Variants in OCA2 observed in about 807,000 individuals in gnomAD.
OCA2 encodes OCA2 melanosomal transmembrane protein.
OCA2 carries 77 observed loss-of-function variants against 100.2 expected under a neutral mutation model. The ratio of observed to expected loss-of-function variants is 0.77; its 90% CI spans 0.64 to 0.93. The LOEUF (loss-of-function observed/expected upper bound fraction) is 0.93. OCA2 is among the 40% of genes least tolerant of loss of function. The pLI, the probability that OCA2 is intolerant of heterozygous loss-of-function variation, is 0.00. For missense variants in OCA2, 1,062 were observed against 1,089.1 expected (o/e 0.98, Z 0.35); for synonymous variants, 432 against 439.2 (o/e 0.98, Z 0.21).
At chr15:28,044,587 C>G (rs1233286385) in intron 2 of OCA2, among the ~76,000 whole-genome samples, 1 of 152,104 alleles carries the variant, frequency 6.6e-6, no homozygotes, top group Non-Finnish European at 1.5e-5. Flanking sequence ...ACAGGATTTT[C>G]TGTCTATTTG....
At chr15:27,996,842 G>C (rs1198353667) in intron 9 of OCA2, among the ~76,000 whole-genome samples, 3 of 151,962 alleles carry the variant, frequency 2.0e-5, no homozygotes, top group Non-Finnish European at 4.4e-5. Flanking sequence ...GGCTTCACAG[G>C]TAAATTCTAC....
chr15:27,760,934 A>G (rs981017233), intron 23 of OCA2, among the ~76,000 whole-genome samples: 1 of 152,036 alleles, frequency 6.6e-6, no homozygotes, highest in African/African-American at 2.4e-5. Flanking sequence ...TGATCCCTGT[A>G]TTACCTCAAC....
intron 19 of OCA2, among the ~76,000 whole-genome samples, chr15:27,913,638 G>A (rs2038485529): frequency 6.6e-6 from 1 of 151,330 alleles, no homozygotes; most frequent in Non-Finnish European, 1.5e-5. Flanking sequence ...AGAAAGTGGG[G>A]CCAAAACTGC....
intron 23 of OCA2, among the ~76,000 whole-genome samples, chr15:27,809,803 T>C (rs1384185913): frequency 6.6e-6 from 1 of 152,116 alleles, no homozygotes; most frequent in Non-Finnish European, 1.5e-5. Flanking sequence ...TAGGAATATA[T>C]TTAACCAAGG....
intron 8 of OCA2, 54 bp downstream of exon 8, chr15:28,016,050 A>C (rs935778434): frequency 3.3e-5 from 47 of 1,429,566 alleles, no homozygotes; most frequent in Non-Finnish European, 4.6e-5. Context: ...AGACTCCTTT[A>C]AACGCACGTG....
chr15:27,741,641 T>C, the OCA2 span, among the ~76,000 whole-genome samples: 1 of 152,124 alleles, frequency 6.6e-6, no homozygotes, highest in Non-Finnish European at 1.5e-5. Context: ...CCTGGCCTTA[T>C]CCCAGATAAA....
intron 9 of OCA2, among the ~76,000 whole-genome samples, chr15:27,993,101 G>A (rs1201027397): frequency 6.6e-6 from 1 of 152,166 alleles, no homozygotes; most frequent in Non-Finnish European, 1.5e-5. Flanking sequence ...TCCAGCCTGG[G>A]CAACAGAGCG....
chr15:28,048,603 C>T (rs568504521), intron 2 of OCA2, among the ~76,000 whole-genome samples: 18 of 152,074 alleles, frequency 1.2e-4, no homozygotes, highest in African/African-American at 4.3e-4. Context: ...CAAACATGAC[C>T]TTGGATTTGG....
In OCA2 at chr15:28,036,163, A is replaced by G. The variant is rs150265336; in HGVS notation, c.228-4000T>C. ...TCATATTCCATTACATGGATCATCA[A>G]ATTATGCCTGACCATCTGTCTGTTG... On this transcript the variant is annotated intron_variant, in intron 2 of 23. Transcript: ENST00000354638. 4.5e-4 allele frequency among the ~76,000 whole-genome samples: 69 copies of G among 152,342 alleles called. 1 individual carries two copies. In the East Asian group the frequency reaches 6.8e-3, roughly 15 times the overall value.
intron 23 of OCA2, among the ~76,000 whole-genome samples, chr15:27,787,455 C>G (rs997118762): frequency 6.6e-6 from 1 of 151,958 alleles, no homozygotes; most frequent in Admixed American, 6.6e-5. Context: ...TTTTCTAGTT[C>G]TCATAGGTTC....
At chr15:27,922,043 A>G (rs1187867116) in intron 19 of OCA2, among the ~76,000 whole-genome samples, 1 of 152,278 alleles carries the variant, frequency 6.6e-6, no homozygotes, top group Non-Finnish European at 1.5e-5. Flanking sequence ...CTACATTTAC[A>G]GTACTGTACT....
intron 19 of OCA2, among the ~76,000 whole-genome samples, chr15:27,885,986 G>A (rs1004004354): frequency 5.9e-5 from 9 of 152,224 alleles, no homozygotes; most frequent in African/African-American, 2.2e-4. Context: ...AGTCAGCAAT[G>A]ATGGAAGAAC....
intron 16 of OCA2, among the ~76,000 whole-genome samples, chr15:27,955,861 T>C (rs541020537): frequency 6.6e-6 from 1 of 152,102 alleles, no homozygotes; most frequent in African/African-American, 2.4e-5. Context: ...TGCCTCTTCT[T>C]TTTCATGTTT....
chr15:27,732,498 G>A, the OCA2 span, among the ~76,000 whole-genome samples: 2 of 152,192 alleles, frequency 1.3e-5, no homozygotes, highest in Non-Finnish European at 2.9e-5. Context: ...GCCAGCAGAA[G>A]ACTTCACAGC....
chr15:28,017,864 G>C (rs1266094509), intron 7 of OCA2, among the ~76,000 whole-genome samples: 2 of 152,162 alleles, frequency 1.3e-5, no homozygotes, highest in African/African-American at 4.8e-5. Flanking sequence ...CCCTGCCTCT[G>C]GAGTCTAGGC....
At chr15:27,849,618 A>G (rs563117610) in intron 22 of OCA2, among the ~76,000 whole-genome samples, 3 of 152,204 alleles carry the variant, frequency 2.0e-5, no homozygotes, top group Non-Finnish European at 4.4e-5. Context: ...CTAAAACCAA[A>G]TGAAAACTTC....
chr15:27,740,330 C>T, the OCA2 span, among the ~76,000 whole-genome samples: 1 of 152,072 alleles, frequency 6.6e-6, no homozygotes, highest in Non-Finnish European at 1.5e-5. Flanking sequence ...AGGTCCCCTA[C>T]ATTTTTTACC....
intron 5 of OCA2, among the ~76,000 whole-genome samples, chr15:28,024,562 A>C (rs2042691547): frequency 6.6e-6 from 1 of 152,096 alleles, no homozygotes. Flanking sequence ...CTCGAGGGGG[A>C]AGGGAGCCCC....
intron 2 of OCA2, among the ~76,000 whole-genome samples, chr15:28,068,472 C>G (rs1377677149): frequency 6.6e-6 from 1 of 152,106 alleles, no homozygotes; most frequent in African/African-American, 2.4e-5. Flanking sequence ...CCAAAAAAAG[C>G]CCTGGGCCAG....
Sources: allele counts gnomAD v4.1 joint callset (sites outside exome capture counted in the v4.1 genomes callset), GRCh38; gene constraint gnomAD v4.1.1; transcripts MANE v1.5; gene names NCBI Gene and HGNC (gene_info 2026-07-23, HGNC 2026-07-21).